Variants in COX7B2 observed in about 807,000 individuals in gnomAD.
The protein encoded by COX7B2 is cytochrome c oxidase subunit 7B2, mitochondrial.
For missense variants in COX7B2, 109 were observed against 95.9 expected (o/e 1.14, Z -0.57); for synonymous variants, 37 against 32.1 (o/e 1.15, Z -0.51).
intron 1 of COX7B2, among the ~76,000 whole-genome samples, chr4:46,896,207 G>C (rs562503623): frequency 6.6e-6 from 1 of 152,158 alleles, no homozygotes; most frequent in Non-Finnish European, 1.5e-5. Context: ...CTATAAATTT[G>C]ACTATGGTTT....
intron 2 of COX7B2, among the ~76,000 whole-genome samples, chr4:46,804,497 T>C (rs1188603422): frequency 6.6e-6 from 1 of 152,094 alleles, no homozygotes; most frequent in Non-Finnish European, 1.5e-5. Flanking sequence ...GACAAAAAAG[T>C]TCTCCACATC....
intron 1 of COX7B2, among the ~76,000 whole-genome samples, chr4:46,867,779 A>AT (rs1373658593): frequency 6.6e-6 from 1 of 151,850 alleles, no homozygotes; most frequent in East Asian, 1.9e-4. Context: ...TGGTATGCTA[A>AT]TTTTTTTTGG....
chr4:46,841,171 A>G (rs2109754900), intron 2 of COX7B2, among the ~76,000 whole-genome samples: 1 of 151,978 alleles, frequency 6.6e-6, no homozygotes, highest in East Asian at 1.9e-4. Context: ...ATGCCTCAGA[A>G]AAATTAGCCT....
chr4:46,838,248 G>GA (rs201638425), intron 2 of COX7B2, among the ~76,000 whole-genome samples: 2,015 of 150,718 alleles, frequency 0.013, 46 homozygotes, highest in African/African-American at 0.046. Flanking sequence ...CACTTTAAAA[G>GA]AAAAAAAAAT....
intron 1 of COX7B2, among the ~76,000 whole-genome samples, chr4:46,878,379 A>G (rs1405806501): frequency 1.3e-5 from 2 of 151,898 alleles, no homozygotes; most frequent in African/African-American, 2.4e-5. Flanking sequence ...AAGTTTTCTA[A>G]AAGAGTAGAT....
At chr4:46,756,102 AT>A (rs567965549) in intron 2 of COX7B2, among the ~76,000 whole-genome samples, 56 of 152,156 alleles carry the variant, frequency 3.7e-4, no homozygotes, top group African/African-American at 1.3e-3. Flanking sequence ...TGGTACTGGT[AT>A]AAAAATAGAC....
chr4:46,815,967 CCTCTT>C (rs1485169063), intron 2 of COX7B2, among the ~76,000 whole-genome samples: 3 of 152,122 alleles, frequency 2.0e-5, no homozygotes. Context: ...CACAAACACT[CCTCTT>C]CTCTCTCACT....
intron 2 of COX7B2, among the ~76,000 whole-genome samples, chr4:46,816,843 G>A (rs975326183): frequency 1.3e-5 from 2 of 152,184 alleles, no homozygotes; most frequent in African/African-American, 4.8e-5. Flanking sequence ...AATTGCTGAG[G>A]TATCACCGCT....
At chr4:46,879,115 T>A (rs1026894504) in intron 1 of COX7B2, among the ~76,000 whole-genome samples, 11 of 152,086 alleles carry the variant, frequency 7.2e-5, no homozygotes, top group Non-Finnish European at 1.5e-4. Context: ...TTTTCTCCTT[T>A]TCTTGATTTT....
At chr4:46,835,171 G>A (rs1329171739) in intron 2 of COX7B2, among the ~76,000 whole-genome samples, 1 of 152,116 alleles carries the variant, frequency 6.6e-6, no homozygotes, top group African/African-American at 2.4e-5. Context: ...TGATGAGAAT[G>A]TAATGTGTAT....
At chr4:46,895,833 G>C (rs1304253443) in intron 1 of COX7B2, among the ~76,000 whole-genome samples, 1 of 152,094 alleles carries the variant, frequency 6.6e-6, no homozygotes, top group African/African-American at 2.4e-5. Flanking sequence ...GAGAAATTCA[G>C]CAAAATAACT....
At chr4:46,831,307 G>T (rs1169949087) in intron 2 of COX7B2, among the ~76,000 whole-genome samples, 7 of 152,142 alleles carry the variant, frequency 4.6e-5, no homozygotes, top group Non-Finnish European at 7.3e-5. Context: ...AGCCTGCCAT[G>T]CCTGAGTGCC....
intron 2 of COX7B2, among the ~76,000 whole-genome samples, chr4:46,782,148 T>G (rs1717497033): frequency 6.6e-6 from 1 of 152,080 alleles, no homozygotes; most frequent in African/African-American, 2.4e-5. Context: ...TTAGAGAACT[T>G]TTATGTCTAG....
chr4:46,779,882 T>G (rs1176562150), intron 2 of COX7B2, among the ~76,000 whole-genome samples: 1 of 152,102 alleles, frequency 6.6e-6, no homozygotes, highest in Non-Finnish European at 1.5e-5. Flanking sequence ...GTATTAATAA[T>G]TATGTGAAAT....
chr4:46,860,913 A>T (rs1717298889), intron 1 of COX7B2, among the ~76,000 whole-genome samples: 2 of 151,888 alleles, frequency 1.3e-5, no homozygotes. Context: ...ACTCTTGAGC[A>T]CCCCTTAGAT....
intron 2 of COX7B2, among the ~76,000 whole-genome samples, chr4:46,815,893 A>T (rs1032908502): frequency 1.3e-5 from 2 of 152,194 alleles, no homozygotes; most frequent in Non-Finnish European, 2.9e-5. Context: ...AATAATATTT[A>T]TATTTACCTT....
chr4:46,797,445 T>G (rs556091340), intron 2 of COX7B2, among the ~76,000 whole-genome samples: 8 of 152,258 alleles, frequency 5.3e-5, no homozygotes, highest in African/African-American at 1.9e-4. Context: ...TAGTTATTTC[T>G]CAAGTTCTGG....
chr4:46,830,324 CAAAAAAAA>C (rs201868075), intron 2 of COX7B2, among the ~76,000 whole-genome samples: 88 of 82,144 alleles, frequency 1.1e-3, no homozygotes, highest in African/African-American at 3.7e-3. Context: ...ACTCTGTCTC[CAAAAAAAA>C]AAAAAAAAAA....
intron 2 of COX7B2, among the ~76,000 whole-genome samples, chr4:46,770,482 A>G (rs567312699): frequency 1.3e-5 from 2 of 152,314 alleles, no homozygotes; most frequent in East Asian, 3.9e-4. Context: ...ATAAAAATAA[A>G]AATAAATCCT....
Sources: allele counts gnomAD v4.1 joint callset (sites outside exome capture counted in the v4.1 genomes callset), GRCh38; gene constraint gnomAD v4.1.1; transcripts MANE v1.5; gene names NCBI Gene and HGNC (gene_info 2026-07-23, HGNC 2026-07-21).